Variants in ERC2 observed in about 807,000 individuals in gnomAD.
ERC2 encodes the protein ERC protein 2.
A neutral mutation model predicts 114.8 loss-of-function variants in ERC2; 42 were observed. The ratio of observed to expected loss-of-function variants is 0.37; its 90% CI spans 0.29 to 0.47. The LOEUF (loss-of-function observed/expected upper bound fraction) is 0.47. Among genes scored for constraint, ERC2 ranks in the 20% least tolerant of loss-of-function variants. The pLI is 0.99. For missense variants in ERC2, 939 were observed against 1,150.7 expected, an observed-to-expected ratio of 0.82 and a Z score of 2.66; for synonymous variants, 454 against 425.5, an observed-to-expected ratio of 1.07 and a Z score of -0.82.
intron 14 of ERC2, among the ~76,000 whole-genome samples, chr3:55,799,994 T>C (rs1476256560): frequency 6.6e-6 from 1 of 152,170 alleles, no homozygotes; most frequent in Admixed American, 6.5e-5. Context: ...CCAATCAAGT[T>C]AAAGCCATCA....
At chr3:56,132,531 G>GA (rs1471249618) in intron 6 of ERC2, among the ~76,000 whole-genome samples, 3 of 152,182 alleles carry the variant, frequency 2.0e-5, no homozygotes, top group Non-Finnish European at 4.4e-5. Context: ...ATTTAATTTG[G>GA]GAGGCTGAGG....
At chr3:55,625,304 T>G (rs1343255487) in intron 17 of ERC2, among the ~76,000 whole-genome samples, 1 of 147,102 alleles carries the variant, frequency 6.8e-6, no homozygotes, top group East Asian at 2.0e-4. Context: ...GAGGCAGAGG[T>G]TGCTGTGAGC....
chr3:55,714,678 T>TGTATATATATATACACAC (rs58346867), intron 15 of ERC2, among the ~76,000 whole-genome samples: 1 of 8,046 alleles, frequency 1.2e-4, no homozygotes, highest in Non-Finnish European at 2.3e-4. Flanking sequence ...TATATATATA[T>TGTATATATATATACACAC]ATATATATAT....
chr3:55,555,856 G>C (rs72870436), intron 17 of ERC2, among the ~76,000 whole-genome samples: 184 of 152,262 alleles, frequency 1.2e-3, no homozygotes, highest in African/African-American at 4.3e-3. Context: ...CGCGCTGCTC[G>C]CTCAGAAAAC....
chr3:55,691,114 C>T (rs2062617336), intron 16 of ERC2, among the ~76,000 whole-genome samples: 1 of 152,166 alleles, frequency 6.6e-6, no homozygotes, highest in South Asian at 2.1e-4. Flanking sequence ...AACAAATAAA[C>T]TGCCCCTTTT....
chr3:55,935,217 T>C (rs2066363771), intron 13 of ERC2, among the ~76,000 whole-genome samples: 1 of 152,204 alleles, frequency 6.6e-6, no homozygotes. Flanking sequence ...AAGAGTATGA[T>C]CTCTTGCATG....
At chr3:55,735,302 G>C (rs924784647) in intron 14 of ERC2, among the ~76,000 whole-genome samples, 9 of 152,214 alleles carry the variant, frequency 5.9e-5, no homozygotes, top group African/African-American at 2.2e-4. Flanking sequence ...GTCTGAGACT[G>C]CATAATTTAT....
intron 2 of ERC2, among the ~76,000 whole-genome samples, chr3:56,382,199 GCCT>G (rs1462428011): frequency 6.6e-6 from 1 of 151,964 alleles, no homozygotes; most frequent in Non-Finnish European, 1.5e-5. Context: ...CAACACGTGT[GCCT>G]ACCCATAGTA....
intron 14 of ERC2, among the ~76,000 whole-genome samples, chr3:55,879,083 T>A (rs1394433591): frequency 1.1e-5 from 1 of 90,658 alleles, no homozygotes; most frequent in East Asian, 3.2e-4. Context: ...TCTTTTCTTT[T>A]TTTTTCTTTT....
In ERC2 at chr3:56,139,675, A is replaced by G. The variant is rs1008096258; in HGVS notation, c.1307T>C (p.Ile436Thr). ...TGAAAGTTCCTGCTTCAGCTGATCA[A>G]TCTGCAAAACAACAACAAAATTGCA... ...KSHSKFMKTK[I>T]DQLKQELSKK... is the part of the protein sequence containing the mutation. Residue 436 changes from isoleucine to threonine, a missense_variant and splice_region_variant, in exon 6 of 18, where the codon ATT becomes ACT. Physicochemically the swap from Ile to Thr is moderately conservative, Grantham distance 89. Coordinates refer to ENST00000288221, the MANE Select transcript of ERC2 (RefSeq NM_015576.3). 8 of 1,594,702 alleles carry G rather than the reference A, an allele frequency of 5.0e-6. No homozygotes were observed. The highest frequency in any genetic ancestry group is 8.6e-7 in the Non-Finnish European group (1 of 1,169,420).
At chr3:55,518,302 A>T (rs1469196101) in intron 17 of ERC2, among the ~76,000 whole-genome samples, 1 of 152,232 alleles carries the variant, frequency 6.6e-6, no homozygotes, top group Admixed American at 6.5e-5. Context: ...ATAAGATATG[A>T]ACACTTTTGG....
chr3:56,322,361 C>T (rs183538347), intron 2 of ERC2, among the ~76,000 whole-genome samples: 76 of 152,282 alleles, frequency 5.0e-4, no homozygotes, highest in Non-Finnish European at 3.8e-4. Flanking sequence ...GATTTTGCCA[C>T]CACTTGCATC....
intron 3 of ERC2, among the ~76,000 whole-genome samples, chr3:56,196,308 A>C (rs1295725727): frequency 6.6e-6 from 1 of 152,170 alleles, no homozygotes; most frequent in Admixed American, 6.5e-5. Flanking sequence ...GATCTTGATT[A>C]AACATATGAG....
intron 17 of ERC2, among the ~76,000 whole-genome samples, chr3:55,559,560 C>A (rs1413819460): frequency 6.6e-6 from 1 of 152,212 alleles, no homozygotes; most frequent in East Asian, 1.9e-4. Flanking sequence ...AGAGACCTGG[C>A]CCATGAAGTA....
intron 17 of ERC2, among the ~76,000 whole-genome samples, chr3:55,662,806 T>G (rs930747470): frequency 1.5e-4 from 23 of 152,180 alleles, no homozygotes; most frequent in African/African-American, 4.8e-4. Flanking sequence ...TTTCAGAAAT[T>G]AAGGCCGGCC....
chr3:55,781,784 A>G (rs890898386), intron 14 of ERC2, among the ~76,000 whole-genome samples: 2 of 151,508 alleles, frequency 1.3e-5, no homozygotes, highest in African/African-American at 4.8e-5. Flanking sequence ...AGGCAGGAGA[A>G]TCGATTGAAC....
chr3:55,708,007 A>G (rs815423), intron 15 of ERC2, among the ~76,000 whole-genome samples: 81,449 of 152,034 alleles, frequency 0.54, 22,892 homozygotes, highest in South Asian at 0.73. Context: ...CACTGCTCAG[A>G]TCCTTAAGGA....
intron 14 of ERC2, among the ~76,000 whole-genome samples, chr3:55,864,124 CACACAT>C (rs10548130): frequency 0.093 from 12,927 of 139,592 alleles, 687 homozygotes; most frequent in South Asian, 0.15. Context: ...TATATACACA[CACACAT>C]ATATATATAC....
At chr3:55,982,296 T>C (rs971495972) in intron 12 of ERC2, among the ~76,000 whole-genome samples, 1 of 152,150 alleles carries the variant, frequency 6.6e-6, no homozygotes, top group Admixed American at 6.5e-5. Context: ...AAAGATCCCA[T>C]CTGTAAATCA....
Sources: gnomAD v4.1 joint callset for allele counts (sites outside exome capture counted in the v4.1 genomes callset) on GRCh38, gnomAD v4.1.1 for gene constraint, MANE v1.5 for transcripts, NCBI Gene and HGNC (gene_info 2026-07-23, HGNC 2026-07-21) for gene names.